The following TRMT11 variants were observed in gnomAD, a reference collection of about 807,000 sequenced individuals.
TRMT11 encodes tRNA (guanine(10)-N(2))-methyltransferase TRMT11.
TRMT11 carries 53 observed loss-of-function variants against 62.8 expected under a neutral mutation model. That is an observed-to-expected ratio of 0.84 (90% CI 0.68 to 1.06). The LOEUF is 1.06. TRMT11 is among the 50% of genes least tolerant of loss of function. The pLI, the probability that TRMT11 is intolerant of heterozygous loss-of-function variation, is 0.00. For synonymous variants in TRMT11, 188 were observed against 190.3 expected (o/e 0.99, Z 0.10); for missense variants, 556 against 553.4 (o/e 1.00, Z -0.05).
Position 125,993,810 on chromosome 6 carries a change from A to G in TRMT11, c.126A>G (p.Glu42=), listed in dbSNP as rs779747932. 6.2e-7 allele frequency: 1 copy of G among 1,608,354 alleles called. No individual in the cohort carries two copies. Among genetic ancestry groups the G allele is most frequent in the South Asian group, 1.1e-5 (1 of 90,882 alleles). ...GAGGTCAGTTTGCCAGCAGTCAAGAAACTTATGGAAAGGTAAGTTAAATTT... is the reference window on the plus strand; with the variant it reads ...GAGGTCAGTTTGCCAGCAGTCAAGAGACTTATGGAAAGGTAAGTTAAATTT... The part of the protein sequence containing the change: ...LFGGQFASSQ[E]TYGKSPFWIL... Residue 42 remains glutamate (E), a synonymous_variant, in exon 2 of 13, where the codon GAA becomes GAG. Transcript: ENST00000334379.
At chr6:126,124,961 G>C (rs950046005) in intron 21 of TRMT11, among the ~76,000 whole-genome samples, 17 of 152,052 alleles carry the variant, frequency 1.1e-4, no homozygotes, top group African/African-American at 4.1e-4. Flanking sequence ...CCAGACTGGG[G>C]AGAAGTCACC....
intron 1 of TRMT11, among the ~76,000 whole-genome samples, chr6:126,196,866 TA>T (rs1562346472): frequency 1.3e-5 from 2 of 152,138 alleles, no homozygotes; most frequent in East Asian, 3.8e-4. Flanking sequence ...AAATTTTTTT[TA>T]AAAAACAAGG....
chr6:126,139,174 A>T (rs996029390), intron 21 of TRMT11, among the ~76,000 whole-genome samples: 5 of 151,936 alleles, frequency 3.3e-5, no homozygotes, highest in Non-Finnish European at 7.4e-5. Context: ...TATTTTTTGC[A>T]TATTTTAAAT....
chr6:126,232,166 G>C, the TRMT11 span, among the ~76,000 whole-genome samples: 1 of 151,950 alleles, frequency 6.6e-6, no homozygotes, highest in Non-Finnish European at 1.5e-5. Flanking sequence ...GTGTGTGTGT[G>C]TAGATGTGTG....
chr6:126,107,079 ATAT>A (rs1250540045), intron 17 of TRMT11, among the ~76,000 whole-genome samples: 1 of 152,200 alleles, frequency 6.6e-6, no homozygotes, highest in Non-Finnish European at 1.5e-5. Flanking sequence ...AGTATCACTA[ATAT>A]TATTAACAGA....
the TRMT11 span, among the ~76,000 whole-genome samples, chr6:126,238,076 T>C: frequency 1.3e-5 from 2 of 152,194 alleles, no homozygotes; most frequent in African/African-American, 2.4e-5. Flanking sequence ...ATCATTTTTA[T>C]TGTGTCTATT....
chr6:126,061,806 C>T (rs1422977947), intron 17 of TRMT11, among the ~76,000 whole-genome samples: 1 of 152,162 alleles, frequency 6.6e-6, no homozygotes, highest in Non-Finnish European at 1.5e-5. Flanking sequence ...CCATTTCCTG[C>T]CTCAATCCCA....
chr6:126,217,052 T>A, the TRMT11 span, among the ~76,000 whole-genome samples: 1 of 152,234 alleles, frequency 6.6e-6, no homozygotes, highest in East Asian at 1.9e-4. Flanking sequence ...AATATGTCAG[T>A]TGTGTTTTTC....
chr6:126,239,630 T>C, the TRMT11 span, among the ~76,000 whole-genome samples: 1 of 152,196 alleles, frequency 6.6e-6, no homozygotes, highest in African/African-American at 2.4e-5. Flanking sequence ...TCTCTCTGGC[T>C]GCCCTTAACA....
At chr6:126,047,113 A>T (rs1477583401) in intron 16 of TRMT11, among the ~76,000 whole-genome samples, 1 of 151,964 alleles carries the variant, frequency 6.6e-6, no homozygotes, top group African/African-American at 2.4e-5. Context: ...ACAACTAAGT[A>T]TTAGCTACTA....
At chr6:126,153,876 G>C (rs1238311629) in intron 21 of TRMT11, among the ~76,000 whole-genome samples, 1 of 152,024 alleles carries the variant, frequency 6.6e-6, no homozygotes, top group Non-Finnish European at 1.5e-5. Flanking sequence ...CATGTGTGTG[G>C]GTGTGCCTGA....
chr6:126,120,830 ATAT>A (rs2128196189), intron 21 of TRMT11, among the ~76,000 whole-genome samples: 1 of 152,266 alleles, frequency 6.6e-6, no homozygotes, highest in Non-Finnish European at 1.5e-5. Context: ...GCCCAAAGTT[ATAT>A]TAAATAGTTT....
chr6:126,146,658 A>T (rs1315093395), intron 21 of TRMT11, among the ~76,000 whole-genome samples: 1 of 151,952 alleles, frequency 6.6e-6, no homozygotes, highest in Non-Finnish European at 1.5e-5. Context: ...CTGGGATTAC[A>T]GGTGTCTGCC....
the TRMT11 span, among the ~76,000 whole-genome samples, chr6:126,230,904 A>T: frequency 1.5e-4 from 23 of 152,322 alleles, no homozygotes; most frequent in Non-Finnish European, 2.2e-4. Flanking sequence ...CTTAAGGAAT[A>T]ATACGTCCTC....
At chr6:126,190,669 C>G (rs1686710333) in intron 1 of TRMT11, among the ~76,000 whole-genome samples, 1 of 152,166 alleles carries the variant, frequency 6.6e-6, no homozygotes, top group African/African-American at 2.4e-5. Context: ...TTTAAACTCC[C>G]ACCTATGAGT....
At chr6:126,180,313 T>C (rs1044795849) in intron 1 of TRMT11, among the ~76,000 whole-genome samples, 3 of 152,190 alleles carry the variant, frequency 2.0e-5, no homozygotes, top group African/African-American at 7.2e-5. Context: ...GAGCTAAATA[T>C]TCTGTATAAG....
At chr6:126,132,730 T>A (rs533530057) in intron 21 of TRMT11, among the ~76,000 whole-genome samples, 1 of 152,078 alleles carries the variant, frequency 6.6e-6, no homozygotes, top group East Asian at 1.9e-4. Context: ...ACTTCCAACA[T>A]AGGAAGAAAA....
intron 17 of TRMT11, among the ~76,000 whole-genome samples, chr6:126,063,057 CAT>C (rs1223058795): frequency 1.3e-5 from 2 of 152,044 alleles, no homozygotes; most frequent in African/African-American, 2.4e-5. Context: ...GGGTATATAT[CAT>C]GTGATCACAT....
chr6:126,151,774 TCACC>T (rs2128221751), intron 21 of TRMT11, among the ~76,000 whole-genome samples: 1 of 141,888 alleles, frequency 7.0e-6, no homozygotes, highest in African/African-American at 2.7e-5. Context: ...TCCCTTCCTT[TCACC>T]CTTTTCCTTC....
Sources: allele counts gnomAD v4.1 joint callset (sites outside exome capture counted in the v4.1 genomes callset), GRCh38; gene constraint gnomAD v4.1.1; transcripts MANE v1.5; gene names NCBI Gene and HGNC (gene_info 2026-07-23, HGNC 2026-07-21).